ZNF689: variants seen among roughly 807,000 people sequenced by gnomAD.
ZNF689 encodes the protein short ORF-encoded histone-binding protein.
In ZNF689, 14 loss-of-function variants were observed where a neutral mutation model predicts 37.2. That is an observed-to-expected ratio of 0.38 (90% confidence interval 0.25 to 0.59). The LOEUF (loss-of-function observed/expected upper bound fraction) is 0.59, where lower values mean the gene tolerates loss of function less well. Ranked by LOEUF, ZNF689 falls within the 20% of genes least tolerant of loss-of-function variation. ZNF689 has a pLI of 0.68. For synonymous variants in ZNF689, 277 were observed against 283.3 expected, an observed-to-expected ratio of 0.98 and a Z score of 0.22; for missense variants, 573 against 700.2, an observed-to-expected ratio of 0.82 and a Z score of 2.05.
At position 30,605,375 on chromosome 16, in the gene ZNF689, C is replaced by T. The variant is rs769345382; in HGVS notation, c.392G>A (p.Arg131Gln). The change falls in exon 3 of 3, where the codon CGA becomes CAA. Residue 131 changes from arginine to glutamine, a missense_variant. By Grantham distance (43) the Arg-to-Gln change is conservative (BLOSUM62 1). Around this residue, in one of 3 missense-constraint regions of ZNF689, gnomAD observed 252 missense variants for 313.3 expected, o/e 0.80. Transcript: ENST00000287461. This position sits in a 1 kb window ranked among gnomAD's most constrained non-coding sequence, Gnocchi z 5.1. ...TCGGGGTTTGCTGGGCCTCCGGCCT[C>T]GCTTCCCCTTTCGGGGTGCCTCCTT... Reference protein sequence around the residue: ...PPKEAPRKGKRGRRPSKPRLI... With the variant: ...PPKEAPRKGKQGRRPSKPRLI... 2 of 1,614,022 alleles carry T rather than the reference C, an allele frequency of 1.2e-6. No individual in the cohort carries two copies. The highest frequency in any genetic ancestry group is 1.1e-5 in the South Asian group (1 of 91,086).
chr16:30,603,846 G>A lies in ZNF689; in HGVS notation c.*418C>T. ...ACTTGGCAGGAGTGTTGCAAAAAGT[G>A]GGCTAAACCAGATTTTTCCAACCTA... On this transcript the variant is annotated 3_prime_UTR_variant, in exon 3 of 3. Coordinates refer to ENST00000287461, the MANE Select transcript of ZNF689 (RefSeq NM_138447.3). The A allele has an allele frequency of 3.0e-6, 1 of 337,794 alleles. No individual in the cohort carries two copies. The highest frequency in any genetic ancestry group is 5.8e-6 in the Non-Finnish European group (1 of 171,934). 20.9% of individuals were successfully genotyped at this position (337,794 alleles called of 1,614,324 possible).
At chr16:30,609,664 G>A (rs906274858) in intron 1 of ZNF689, 26 bp from the exon 2 acceptor site, 1 of 1,613,672 alleles carries the variant, frequency 6.2e-7, no homozygotes, top group Non-Finnish European at 8.5e-7. Flanking sequence ...AAATCAGAAG[G>A]CCAGCTCCTA....
rs559390519 is a variant in ZNF689 at position 30,602,704 on chromosome 16, C to T, written c.*1560G>A. 10 of 152,192 alleles carry T rather than the reference C, an allele frequency of 6.6e-5. No homozygotes were observed. The highest frequency in any genetic ancestry group is 2.2e-4 in the African/African-American group (9 of 41,512). The allele number at this position is 152,192 out of a possible 1,614,324, so 9.4% of individuals were successfully genotyped here. A position where few individuals can be genotyped will look rare whatever the true frequency, so the allele number is the denominator to read the frequency against. On this transcript the variant is annotated 3_prime_UTR_variant, in exon 3 of 3. Coordinates refer to ENST00000287461, the MANE Select transcript of ZNF689 (RefSeq NM_138447.3). ...GAGGTAATTACATAAAGCTGTGTTC[C>T]CCCAGCTGCTCCCCTGCTTGTGCTG...
rs1419278903 is a variant in ZNF689, at chr16:30,610,007, C to T, written c.35G>A (p.Gly12Glu). 12 of 1,606,142 alleles carry T rather than the reference C, an allele frequency of 7.5e-6. No homozygotes were observed. The highest frequency in any genetic ancestry group is 9.3e-6 in the Non-Finnish European group (11 of 1,177,360). ...CCGACTGGGTCTGGCCTTTCCTGGT[C>T]CCTGCGCAGGGAGCGGAGCCGAAGG... Reference protein sequence around the residue: ...APPSAPLPAQGPGKARPSRKR... With the variant: ...APPSAPLPAQEPGKARPSRKR... Residue 12 changes from glycine to glutamate, a missense_variant, in exon 1 of 3, where the codon GGA (glycine) becomes GAA (glutamate). Coordinates refer to ENST00000287461, the MANE Select transcript of ZNF689 (RefSeq NM_138447.3).
chr16:30,610,084 T>C lies in ZNF689; in HGVS notation c.-43A>G, dbSNP rs1274239360. ...CGCCACGGCCTTCCGTGTCCAGGCC[T>C]CGGCCCTCGGGCGCTGGCGGCCCCT... On this transcript the variant is annotated 5_prime_UTR_variant, in exon 1 of 3. Coordinates refer to ENST00000287461, the MANE Select transcript of ZNF689 (RefSeq NM_138447.3). The C allele has an allele frequency of 3.2e-6, 5 of 1,542,078 alleles. No individual in the cohort carries two copies. Among genetic ancestry groups the C allele is most frequent in the Admixed American group, 4.0e-5 (2 of 50,012 alleles).
chr16:30,604,564 G>T lies in ZNF689; in HGVS notation c.1203C>A (p.His401Gln). Residue 401 changes from histidine (H) to glutamine (Q), a missense_variant, in exon 3 of 3, where the codon CAC (histidine) becomes CAA (glutamine). Physicochemically the swap from His to Gln is conservative, Grantham distance 24. This residue lies in a region of ZNF689 where 317 missense variants were observed against 367.1 expected (regional missense o/e 0.86). Transcript: ENST00000287461. The surrounding 1 kb of genome is among the most constrained non-coding windows in gnomAD (Gnocchi z 5.2). ...HRSTHTEEKLHACDDCGRRFA... is the reference protein window; with the variant it reads ...HRSTHTEEKLQACDDCGRRFA... ...AGCGGCGACCACAGTCGTCGCAGGCGTGCAGCTTCTCCTCTGTGTGCGTGC... is the reference window on the plus strand; with the variant it reads ...AGCGGCGACCACAGTCGTCGCAGGCTTGCAGCTTCTCCTCTGTGTGCGTGC... 6.3e-7 allele frequency: 1 copy of T among 1,588,928 alleles called. No individual in the cohort carries two copies. Among genetic ancestry groups the T allele is most frequent in the Non-Finnish European group, 8.6e-7 (1 of 1,168,158 alleles).
Position 30,609,540 on chromosome 16 carries a change from G to C in ZNF689, c.304C>G (p.Leu102Val). Residue 102 changes from leucine to valine, a missense_variant, in exon 2 of 3, where the codon CTA becomes GTA. Coordinates refer to ENST00000287461, the MANE Select transcript of ZNF689 (RefSeq NM_138447.3). ...ALDPQEYPRGLTVQRKSRTRK... is the reference protein window; with the variant it reads ...ALDPQEYPRGVTVQRKSRTRK... The stretch of plus-strand genomic sequence containing the variant: ...TAGCACTCACTTCTCTGGACTGTTA[G>C]CCCTCTCGGGTACTCCTGCGGATCT... 1 of 1,614,110 alleles carries C rather than the reference G, an allele frequency of 6.2e-7. No homozygotes were observed. Among genetic ancestry groups the C allele is most frequent in the Non-Finnish European group, 8.5e-7 (1 of 1,180,014 alleles).
Position 30,605,166 on chromosome 16 carries a change from C to T in ZNF689, c.601G>A (p.Gly201Ser). The T allele has an allele frequency of 1.2e-6, 2 of 1,614,098 alleles. No homozygotes were observed. The highest frequency in any genetic ancestry group is 8.5e-7 in the Non-Finnish European group (1 of 1,180,026). The change falls in exon 3 of 3, where the codon GGC becomes AGC. Residue 201 changes from glycine (G) to serine (S), a missense_variant. Coordinates refer to ENST00000287461, the MANE Select transcript of ZNF689 (RefSeq NM_138447.3). This position sits in a 1 kb window ranked among gnomAD's most constrained non-coding sequence, Gnocchi z 5.1. ...TGGTCACAAACATAGGGGCACTCGC[C>T]GGAGTGTGCCCGCCGGTGACTGACC... is the stretch of plus-strand genomic sequence containing the variant. ...LLVSHRRAHSGECPYVCDQCG... is the reference protein window; with the variant it reads ...LLVSHRRAHSSECPYVCDQCG...
In ZNF689 at chr16:30,605,177, C is replaced by T. The variant is rs1422559713; in HGVS notation, c.590G>A (p.Arg197Gln). The change falls in exon 3 of 3, where the codon CGG becomes CAG. Residue 197 changes from arginine to glutamine, a missense_variant. Around this residue, in one of 3 missense-constraint regions of ZNF689, gnomAD observed 252 missense variants for 313.3 expected, o/e 0.80. Coordinates refer to ENST00000287461, the MANE Select transcript of ZNF689 (RefSeq NM_138447.3). This position sits in a 1 kb window ranked among gnomAD's most constrained non-coding sequence, Gnocchi z 5.1. ...ATAGGGGCACTCGCCGGAGTGTGCC[C>T]GCCGGTGACTGACCAGCAGGGATGG... Reference protein sequence around the residue: ...SYPSLLVSHRRAHSGECPYVC... With the variant: ...SYPSLLVSHRQAHSGECPYVC... The T allele has an allele frequency of 1.2e-6, 2 of 1,614,144 alleles. No individual in the cohort carries two copies. The highest frequency in any genetic ancestry group is 1.1e-5 in the South Asian group (1 of 91,088).
At position 30,604,597 on chromosome 16, in the gene ZNF689, G is replaced by A; in HGVS notation, c.1170C>T (p.Ile390=). ...RAFRRSGSLA[I]HRSTHTEEKL... is the part of the protein sequence containing the mutation. ...TCTCCTCTGTGTGCGTGCTGCGATG[G>A]ATGGCCAGGGAGCCGCTCCGCCGGA... is the stretch of plus-strand genomic sequence containing the variant. The change falls in exon 3 of 3, where the codon ATC becomes ATT. Residue 390 remains isoleucine (I), a synonymous_variant. Transcript: ENST00000287461. This position sits in a 1 kb window ranked among gnomAD's most constrained non-coding sequence, Gnocchi z 5.2. 3 of 1,597,894 alleles carry A rather than the reference G, an allele frequency of 1.9e-6. No homozygotes were observed. Among genetic ancestry groups the A allele is most frequent in the South Asian group, 1.1e-5 (1 of 89,254 alleles).
chr16:30,609,381 C>T, intron 2 of ZNF689, 144 bp downstream of exon 2: 1 of 649,132 alleles, frequency 1.5e-6, no homozygotes, highest in Non-Finnish European at 2.6e-6. Flanking sequence ...ACCGGCCCCA[C>T]ACCACCAGAC....
In ZNF689 at chr16:30,605,155, G is replaced by A. The variant is rs2052023508; in HGVS notation, c.612C>T (p.Pro204=). Residue 204 remains proline (P), a synonymous_variant, in exon 3 of 3, where the codon CCC becomes CCT. Transcript: ENST00000287461. This position sits in a 1 kb window ranked among gnomAD's most constrained non-coding sequence, Gnocchi z 5.1. ...GTTTGCCACACTGGTCACAAACATA[G>A]GGGCACTCGCCGGAGTGTGCCCGCC... The part of the protein sequence containing the change: ...SHRRAHSGEC[P]YVCDQCGKRF... 6.2e-7 allele frequency: 1 copy of A among 1,614,134 alleles called. No homozygotes were observed. Among genetic ancestry groups the A allele is most frequent in the Non-Finnish European group, 8.5e-7 (1 of 1,180,020 alleles).
intron 2 of ZNF689, among the ~76,000 whole-genome samples, chr16:30,607,248 CAAAA>C (rs758625831): frequency 5.4e-5 from 1 of 18,602 alleles, no homozygotes; most frequent in Non-Finnish European, 1.6e-4. Flanking sequence ...GACTCCATCT[CAAAA>C]AAAAAAAAAA....
In ZNF689 at chr16:30,605,521, G is replaced by A; in HGVS notation, c.320-74C>T. ...TTGTCAATTACATTATAGGTTACAA[G>A]ACCAATAGACTCACCCCCTGGTCTC... On this transcript the variant is annotated intron_variant, in intron 2 of 2. Coordinates refer to ENST00000287461, the MANE Select transcript of ZNF689 (RefSeq NM_138447.3). This position sits in a 1 kb window ranked among gnomAD's most constrained non-coding sequence, Gnocchi z 5.1. 1 of 1,448,782 alleles carries A rather than the reference G, an allele frequency of 6.9e-7. No homozygotes were observed. Among genetic ancestry groups the A allele is most frequent in the South Asian group, 1.3e-5 (1 of 76,492 alleles). The allele number at this position is 1,448,782 out of a possible 1,614,324, so 89.7% of individuals were successfully genotyped here.
At chr16:30,607,248 C>CA (rs758625831) in intron 2 of ZNF689, among the ~76,000 whole-genome samples, 566 of 18,214 alleles carry the variant, frequency 0.031, 19 homozygotes, top group Non-Finnish European at 0.049. Flanking sequence ...GACTCCATCT[C>CA]AAAAAAAAAA....
chr16:30,609,267 C>CAAAAA (rs77079521), intron 2 of ZNF689, among the ~76,000 whole-genome samples: 2 of 60,676 alleles, frequency 3.3e-5, no homozygotes, highest in African/African-American at 1.2e-4. Flanking sequence ...AATGTTTCTA[C>CAAAAA]AAAAAAAAAA....
chr16:30,604,699 C>T lies in ZNF689; in HGVS notation c.1068G>A (p.Gln356=), dbSNP rs1190941215. 1 of 1,608,660 alleles carries T rather than the reference C, an allele frequency of 6.2e-7. No homozygotes were observed. Among genetic ancestry groups the T allele is most frequent in the East Asian group, 2.2e-5 (1 of 44,758 alleles). Residue 356 remains glutamine (Q), a synonymous_variant, in exon 3 of 3, where the codon CAG becomes CAA. Coordinates refer to ENST00000287461, the MANE Select transcript of ZNF689 (RefSeq NM_138447.3). This position sits in a 1 kb window ranked among gnomAD's most constrained non-coding sequence, Gnocchi z 5.2. Reference sequence around the variant, plus strand: ...GCTGGTGCTGGAGCAGCGTGCTGCGCTGGGAGAAGCGGGCCTCACAGTGCT... The same window carrying T: ...GCTGGTGCTGGAGCAGCGTGCTGCGTTGGGAGAAGCGGGCCTCACAGTGCT... ...ACEHCEARFS[Q]RSTLLQHQLL...
rs752291322 is a variant in ZNF689, at chr16:30,610,017, G to A, written c.25C>T (p.Pro9Ser). ...CTGGCCTTTCCTGGTCCCTGCGCAG[G>A]GAGCGGAGCCGAAGGTGGCGCCATG... MAPPSAPL[P>S]AQGPGKARPS... is the part of the protein sequence containing the mutation. The change falls in exon 1 of 3, where the codon CCT (proline) becomes TCT (serine). Residue 9 changes from proline (P) to serine (S), a missense_variant. Pro to Ser is a moderately conservative substitution (Grantham distance 74). Around this residue, in one of 3 missense-constraint regions of ZNF689, gnomAD observed 252 missense variants for 313.3 expected, o/e 0.80. Transcript: ENST00000287461. The A allele has an allele frequency of 2.1e-5, 34 of 1,602,498 alleles. No individual in the cohort carries two copies. Among genetic ancestry groups the A allele is most frequent in the Middle Eastern group, 2.1e-4 (1 of 4,874 alleles).
At position 30,605,441 on chromosome 16, in the gene ZNF689, C is replaced by A. The variant is rs750473523; in HGVS notation, c.326G>T (p.Arg109Ile). 1.2e-6 allele frequency: 2 copies of A among 1,611,334 alleles called. No homozygotes were observed. The highest frequency in any genetic ancestry group is 2.2e-5 in the South Asian group (2 of 90,776). The change falls in exon 3 of 3, where the codon AGA (arginine) becomes ATA (isoleucine). Residue 109 changes from arginine (R) to isoleucine (I), a missense_variant. By Grantham distance (97) the Arg-to-Ile change is moderately conservative. Coordinates refer to ENST00000287461, the MANE Select transcript of ZNF689 (RefSeq NM_138447.3). The surrounding 1 kb of genome is among the most constrained non-coding windows in gnomAD (Gnocchi z 5.1). ...PRGLTVQRKS[R>I]TRKKNGEKEV... ...CTTCTCCCCATTCTTCTTTCTGGTTCTGCTTTCTATAGAAATACAGAAGCA... is the reference window on the plus strand; with the variant it reads ...CTTCTCCCCATTCTTCTTTCTGGTTATGCTTTCTATAGAAATACAGAAGCA...
Sources: gnomAD v4.1 joint callset for allele counts (sites outside exome capture counted in the v4.1 genomes callset) on GRCh38, gnomAD v4.1.1 for gene constraint, gnomAD v4.1.1 regional missense constraint, Gnocchi (gnomAD v3.1) non-coding constraint, MANE v1.5 for transcripts, NCBI Gene and HGNC (gene_info 2026-07-23, HGNC 2026-07-21) for gene names.